Variants in CRYZL1 observed in about 807,000 individuals in gnomAD.
The protein encoded by CRYZL1 is ferry endosomal RAB5 effector complex subunit 4.
Under a neutral mutation model 50.6 loss-of-function variants are expected in CRYZL1, and 34 were observed. That is an observed-to-expected ratio of 0.67 (90% CI 0.51 to 0.89). The LOEUF (loss-of-function observed/expected upper bound fraction) is 0.89, where lower values mean the gene tolerates loss of function less well. Among genes scored for constraint, CRYZL1 ranks in the 40% least tolerant of loss-of-function variants. CRYZL1 has a pLI of 0.00. For synonymous variants in CRYZL1, 125 were observed against 134.3 expected, an observed-to-expected ratio of 0.93 and a Z score of 0.48; for missense variants, 354 against 402.3, an observed-to-expected ratio of 0.88 and a Z score of 1.03.
intron 1 of CRYZL1, chr21:33,640,236 C>T: frequency 6.5e-7 from 1 of 1,545,020 alleles, no homozygotes; most frequent in South Asian, 1.2e-5. Flanking sequence ...TTGCACAAGG[C>T]TGGCAGCTTT....
Position 33,618,892 on chromosome 21 carries a change from T to C in CRYZL1, c.218-2142A>G, listed in dbSNP as rs550168667. Among the ~76,000 whole-genome samples the C allele has an allele frequency of 5.3e-5, 8 of 152,292 alleles. No homozygotes were observed. In the East Asian group the frequency reaches 1.5e-3, roughly 29 times the overall value. On this transcript the variant is annotated intron_variant, in intron 4 of 12. Transcript: ENST00000381554. The stretch of plus-strand genomic sequence containing the variant: ...CATTCCAAAGGGTTCTTTGTTTACA[T>C]CTCTCCTCCTTTTCTACTCTATCCC...
chr21:33,608,974 G>A (rs543330637), intron 6 of CRYZL1, among the ~76,000 whole-genome samples: 6 of 152,254 alleles, frequency 3.9e-5, no homozygotes, highest in South Asian at 4.1e-4. Context: ...CACCAATAGC[G>A]TACAAAGTTT....
At chr21:33,625,158 A>AT (rs35814819) in intron 2 of CRYZL1, among the ~76,000 whole-genome samples, 2,808 of 143,504 alleles carry the variant, frequency 0.02, 30 homozygotes, top group Non-Finnish European at 0.028. Flanking sequence ...ACCTTTACTG[A>AT]TTTTTTTTTT....
chr21:33,596,035 A>G lies in CRYZL1; in HGVS notation c.799-199T>C, dbSNP rs1470090673. The G allele has an allele frequency of 4.2e-5, 26 of 612,972 alleles. No homozygotes were observed. In the East Asian group the frequency reaches 5.9e-4, roughly 14 times the overall value. The allele number at this position is 612,972 out of a possible 1,614,324, so 38.0% of individuals were successfully genotyped here. On this transcript the variant is annotated intron_variant, in intron 10 of 12. Transcript: ENST00000381554. ...GATGAAACAGCGAGGTGATAAGTAC[A>G]TGGCAGATGCAAGGCCAATCTAGAA...
rs183411522 is a variant in CRYZL1 at position 33,625,345 on chromosome 21, C to T, written c.67-585G>A. Among the ~76,000 whole-genome samples the T allele has an allele frequency of 1.1e-3, 165 of 151,914 alleles. 2 individuals carry two copies. In the East Asian group the frequency reaches 0.012, roughly 11 times the overall value. On this transcript the variant is annotated intron_variant, in intron 2 of 12. Transcript: ENST00000381554. ...TAATTTTTTGTATTTTCAGTAGAGA[C>T]GGGGTTTCACTGTGTTAGCCAGGAT...
At chr21:33,590,506 C>T (rs1015614102) in intron 12 of CRYZL1, among the ~76,000 whole-genome samples, 5 of 150,122 alleles carry the variant, frequency 3.3e-5, no homozygotes, top group Non-Finnish European at 7.4e-5. Flanking sequence ...ACCTTCACCT[C>T]CCAGGTTCAA....
chr21:33,634,272 T>C (rs1428583216), intron 1 of CRYZL1, among the ~76,000 whole-genome samples: 1 of 152,270 alleles, frequency 6.6e-6, no homozygotes, highest in African/African-American at 2.4e-5. Flanking sequence ...CTCTCTAAAA[T>C]GCATACTCTC....
intron 2 of CRYZL1, among the ~76,000 whole-genome samples, chr21:33,629,893 T>C (rs913372919): frequency 2.0e-5 from 3 of 152,234 alleles, no homozygotes; most frequent in African/African-American, 7.2e-5. Context: ...TTTATTATAT[T>C]GATGTATATT....
At chr21:33,638,057 T>C (rs1234640698) in intron 1 of CRYZL1, among the ~76,000 whole-genome samples, 3 of 152,114 alleles carry the variant, frequency 2.0e-5, no homozygotes, top group African/African-American at 7.2e-5. Flanking sequence ...TCTGTGAGAC[T>C]TTTTGTACAT....
chr21:33,633,967 A>G (rs2087170395), intron 1 of CRYZL1, among the ~76,000 whole-genome samples: 1 of 152,244 alleles, frequency 6.6e-6, no homozygotes, highest in Admixed American at 6.5e-5. Flanking sequence ...AAATACGTAA[A>G]GAGTTTTTAC....
At chr21:33,619,450 T>C (rs1367417632) in intron 4 of CRYZL1, among the ~76,000 whole-genome samples, 3 of 152,264 alleles carry the variant, frequency 2.0e-5, no homozygotes, top group Non-Finnish European at 4.4e-5. Flanking sequence ...GTCTGGCCCT[T>C]GCCTATCCTC....
intron 1 of CRYZL1, among the ~76,000 whole-genome samples, chr21:33,639,319 T>A (rs2087248609): frequency 5.3e-5 from 8 of 152,238 alleles, no homozygotes. Flanking sequence ...CTATTCAATG[T>A]AGGGCTATTT....
intron 6 of CRYZL1, among the ~76,000 whole-genome samples, chr21:33,607,387 C>G (rs1056275304): frequency 1.3e-5 from 2 of 152,080 alleles, no homozygotes; most frequent in Admixed American, 6.6e-5. Context: ...ACCTGTAATG[C>G]CAGCACTTTG....
Position 33,637,790 on chromosome 21 carries a change from C to T in CRYZL1, c.-7+3891G>A, listed in dbSNP as rs868849798. ...ATATATATATATATATATATATATACACACACACACACATATAAACAGCTA... is the reference window on the plus strand; with the variant it reads ...ATATATATATATATATATATATATATACACACACACACATATAAACAGCTA... On this transcript the variant is annotated intron_variant, in intron 1 of 12. Coordinates refer to ENST00000381554, the MANE Select transcript of CRYZL1 (RefSeq NM_145858.3). Among the ~76,000 whole-genome samples, 212 of 113,156 alleles carry T rather than the reference C, an allele frequency of 1.9e-3. 2 individuals carry two copies. The highest frequency in any genetic ancestry group is 5.4e-3 in the African/African-American group (172 of 32,142). The allele number at this position is 113,156 out of a possible 152,430, so 74.2% of individuals were successfully genotyped here.
rs1009388888 is a variant in CRYZL1, at chr21:33,589,635, C to T, written c.*187G>A. ...ATGTTAATTATAGAATTATCTTGAT[C>T]ATTTGCACAAGAATTTTTCAAACAC... On this transcript the variant is annotated 3_prime_UTR_variant, in exon 13 of 13. Transcript: ENST00000381554. 8.8e-6 allele frequency: 5 copies of T among 567,546 alleles called. No homozygotes were observed. The highest frequency in any genetic ancestry group is 6.6e-5 in the Admixed American group (2 of 30,170). The allele number at this position is 567,546 out of a possible 1,614,324, so 35.2% of individuals were successfully genotyped here.
intron 1 of CRYZL1, chr21:33,640,101 C>T (rs1416541460): frequency 1.3e-6 from 2 of 1,533,696 alleles, no homozygotes; most frequent in African/African-American, 2.8e-5. Flanking sequence ...GCTGGGATTA[C>T]AGGCGTGAGC....
At chr21:33,595,526 C>T in intron 11 of CRYZL1, 2 of 1,283,570 alleles carry the variant, frequency 1.6e-6, no homozygotes, top group East Asian at 2.9e-5. Context: ...TCTGTTTCTT[C>T]ACCTGTGAAA....
intron 4 of CRYZL1, among the ~76,000 whole-genome samples, chr21:33,618,371 C>T (rs2086959412): frequency 6.6e-6 from 1 of 150,740 alleles, no homozygotes; most frequent in African/African-American, 2.4e-5. Context: ...TCAGTCAATT[C>T]ATTTGAGTAG....
At chr21:33,620,272 A>G (rs1324902031) in intron 4 of CRYZL1, among the ~76,000 whole-genome samples, 2 of 152,208 alleles carry the variant, frequency 1.3e-5, no homozygotes, top group African/African-American at 4.8e-5. Flanking sequence ...CACGTTAATC[A>G]TGAACCACCT....
Sources: allele counts gnomAD v4.1 joint callset (sites outside exome capture counted in the v4.1 genomes callset), GRCh38; gene constraint gnomAD v4.1.1; transcripts MANE v1.5; gene names NCBI Gene and HGNC (gene_info 2026-07-23, HGNC 2026-07-21).